CFAP20DC: variants seen among roughly 807,000 people sequenced by gnomAD.
CFAP20DC encodes the protein protein CFAP20DC.
A neutral mutation model predicts 101.7 loss-of-function variants in CFAP20DC; 84 were observed. The ratio of observed to expected loss-of-function variants is 0.83; its 90% confidence interval spans 0.69 to 0.99. The LOEUF (loss-of-function observed/expected upper bound fraction) is 0.99. Ranked by LOEUF, CFAP20DC falls within the 50% of genes least tolerant of loss-of-function variation. The pLI is 0.00. For synonymous variants in CFAP20DC, 359 were observed against 351.2 expected (o/e 1.02, Z -0.25); for missense variants, 1,007 against 970.3 (o/e 1.04, Z -0.50).
chr3:58,727,563 A>C (rs1450765815), intron 3 of CFAP20DC: 1 of 152,158 alleles, frequency 6.6e-6, no homozygotes, highest in East Asian at 1.9e-4. Context: ...CAGCCTCCCG[A>C]GTAGCTGCGA....
At chr3:58,827,605 GTAA>G (rs1462682288) in intron 14 of CFAP20DC, among the ~76,000 whole-genome samples, 129 of 152,112 alleles carry the variant, frequency 8.5e-4, no homozygotes, top group African/African-American at 2.9e-3. Context: ...TGTCTGCATG[GTAA>G]ACTTGAACTC....
At chr3:58,951,098 A>G (rs933069913) in intron 4 of CFAP20DC, among the ~76,000 whole-genome samples, 4 of 152,260 alleles carry the variant, frequency 2.6e-5, no homozygotes, top group African/African-American at 9.6e-5. Context: ...TGGGTGAAGG[A>G]TATGAACAGA....
At chr3:58,934,929 T>G (rs966092804) in intron 5 of CFAP20DC, among the ~76,000 whole-genome samples, 7 of 152,268 alleles carry the variant, frequency 4.6e-5, no homozygotes, top group East Asian at 1.9e-4. Context: ...CCAGGGCAAT[T>G]AGGCAGGAGA....
rs537065601 is a variant in CFAP20DC at position 58,979,242 on chromosome 3, A to C, written c.279-41480T>G. Among the ~76,000 whole-genome samples the C allele has an allele frequency of 1.5e-3, 223 of 152,304 alleles. 1 individual carries two copies. The highest frequency in any genetic ancestry group is 4.9e-3 in the African/African-American group (205 of 41,562). ...CATAGGCACAAATCATGGTTCTTCC[A>C]CCCATTAGCCTGTAGTACTTGGGGC... On this transcript the variant is annotated intron_variant, in intron 4 of 16. Transcript: ENST00000482387.
Position 58,930,564 on chromosome 3 carries a change from G to C in CFAP20DC, c.393+7084C>G, listed in dbSNP as rs577095067. On this transcript the variant is annotated intron_variant, in intron 5 of 16. Coordinates refer to ENST00000482387, the MANE Select transcript of CFAP20DC (RefSeq NM_001394063.1). ...TTCCTTCAGTCCTAACTATGACAGG[G>C]AGAATAGCTGAACATGTATCTAATC... 1.3e-4 allele frequency among the ~76,000 whole-genome samples: 20 copies of C among 152,308 alleles called. No homozygotes were observed. The South Asian group carries it at 4.1e-3, about 32-fold the overall frequency.
intron 14 of CFAP20DC, among the ~76,000 whole-genome samples, chr3:58,815,206 T>C (rs2075014997): frequency 1.3e-5 from 2 of 151,698 alleles, no homozygotes; most frequent in African/African-American, 4.9e-5. Flanking sequence ...TAACGCTGCA[T>C]ATCTACAACT....
intron 5 of CFAP20DC, among the ~76,000 whole-genome samples, chr3:58,926,056 G>C (rs2085928848): frequency 6.6e-6 from 1 of 152,014 alleles, no homozygotes; most frequent in Admixed American, 6.6e-5. Context: ...AGTAGGGAAA[G>C]AAAAAAGATA....
intron 4 of CFAP20DC, among the ~76,000 whole-genome samples, chr3:58,940,065 C>A (rs1305171073): frequency 1.3e-5 from 2 of 152,192 alleles, no homozygotes; most frequent in South Asian, 2.1e-4. Context: ...CTGTGCCCAG[C>A]CAAACTACAT....
intron 5 of CFAP20DC, among the ~76,000 whole-genome samples, chr3:58,932,127 C>A (rs557301630): frequency 7.2e-4 from 110 of 152,212 alleles, no homozygotes; most frequent in African/African-American, 2.6e-3. Flanking sequence ...GTGAAGAATG[C>A]AGAAGCCTCA....
intron 13 of CFAP20DC, among the ~76,000 whole-genome samples, chr3:58,847,432 G>A (rs1461309262): frequency 3.3e-5 from 5 of 150,486 alleles, no homozygotes; most frequent in Non-Finnish European, 7.5e-5. Flanking sequence ...ACCATCACTG[G>A]CCATCAGAGA....
intron 6 of CFAP20DC, among the ~76,000 whole-genome samples, chr3:58,896,400 C>G (rs988044447): frequency 1.3e-5 from 2 of 151,930 alleles, no homozygotes; most frequent in African/African-American, 4.8e-5. Flanking sequence ...CAGCTCTGAT[C>G]TTGGTTATTT....
intron 12 of CFAP20DC, among the ~76,000 whole-genome samples, chr3:58,855,932 A>G (rs1200751893): frequency 1.3e-5 from 2 of 151,566 alleles, no homozygotes; most frequent in East Asian, 3.9e-4. Context: ...ACATGTATAC[A>G]TATGTAACTA....
chr3:59,036,119 C>G (rs1221284181), intron 4 of CFAP20DC, among the ~76,000 whole-genome samples: 1 of 152,140 alleles, frequency 6.6e-6, no homozygotes, highest in Non-Finnish European at 1.5e-5. Flanking sequence ...TAAAAGTTCT[C>G]CATAAACTAG....
chr3:58,827,690 C>T (rs2076135800), intron 14 of CFAP20DC, among the ~76,000 whole-genome samples: 1 of 152,122 alleles, frequency 6.6e-6, no homozygotes, highest in Admixed American at 6.5e-5. Context: ...GGAATCACTC[C>T]CTCTCACGTG....
intron 12 of CFAP20DC, among the ~76,000 whole-genome samples, chr3:58,858,889 C>T (rs1222481876): frequency 6.6e-6 from 1 of 152,086 alleles, no homozygotes; most frequent in Non-Finnish European, 1.5e-5. Context: ...CTAAAGAGCA[C>T]AGTTATTTGC....
chr3:58,931,389 T>C lies in CFAP20DC; in HGVS notation c.393+6259A>G, dbSNP rs889600914. On this transcript the variant is annotated intron_variant, in intron 5 of 16. Transcript: ENST00000482387. ...CAGCAGTAACCTCTGCAGACTTAAA[T>C]GTCCCTGTCTGACAGCTTTGAAGAG... is the stretch of plus-strand genomic sequence containing the variant. Among the ~76,000 whole-genome samples the C allele has an allele frequency of 4.6e-5, 7 of 152,208 alleles. 1 individual carries two copies. The highest frequency in any genetic ancestry group is 4.6e-4 in the Admixed American group (7 of 15,282).
chr3:59,042,523 G>T (rs2109267087), intron 3 of CFAP20DC, among the ~76,000 whole-genome samples: 1 of 151,760 alleles, frequency 6.6e-6, no homozygotes, highest in Non-Finnish European at 1.5e-5. Context: ...AACAGCAATG[G>T]GACCTGTATG....
intron 7 of CFAP20DC, among the ~76,000 whole-genome samples, chr3:58,873,591 G>A (rs1341142962): frequency 6.6e-6 from 1 of 151,166 alleles, no homozygotes; most frequent in Non-Finnish European, 1.5e-5. Flanking sequence ...GGTGGATGCT[G>A]TCAGGCAGGT....
At chr3:58,996,646 C>G (rs1297336375) in intron 4 of CFAP20DC, among the ~76,000 whole-genome samples, 4 of 152,184 alleles carry the variant, frequency 2.6e-5, no homozygotes, top group African/African-American at 9.7e-5. Context: ...CTGTTTATTG[C>G]TGATCTACAG....
Sources: allele counts gnomAD v4.1 joint callset (sites outside exome capture counted in the v4.1 genomes callset), GRCh38; gene constraint gnomAD v4.1.1; transcripts MANE v1.5; gene names NCBI Gene and HGNC (gene_info 2026-07-23, HGNC 2026-07-21).